The following CTNNA3 variants were observed in gnomAD, a reference collection of about 807,000 sequenced individuals.
The protein encoded by CTNNA3 is catenin alpha-3.
CTNNA3 carries 76 observed loss-of-function variants against 95.7 expected under a neutral mutation model. The observed-to-expected ratio is 0.79, with a 90% confidence interval of 0.66 to 0.96. The LOEUF (loss-of-function observed/expected upper bound fraction) is 0.96, where lower values mean the gene tolerates loss of function less well. CTNNA3 is among the 40% of genes least tolerant of loss of function. The probability of loss-of-function intolerance (pLI) is 0.00; values close to 1 mark genes in which losing one functional copy is unlikely to be tolerated. For synonymous variants in CTNNA3, 431 were observed against 374.4 expected, an observed-to-expected ratio of 1.15 and a Z score of -1.74; for missense variants, 1,191 against 1,089.8, an observed-to-expected ratio of 1.09 and a Z score of -1.31.
intron 10 of CTNNA3, among the ~76,000 whole-genome samples, chr10:66,568,701 T>C (rs1238052359): frequency 6.6e-6 from 1 of 151,916 alleles, no homozygotes; most frequent in African/African-American, 2.4e-5. Context: ...AAAGTTCAAA[T>C]CCAGCAATGC....
chr10:67,045,713 C>T lies in CTNNA3; in HGVS notation c.1047+134604G>A, dbSNP rs987947045. Among the ~76,000 whole-genome samples, 10 of 152,090 alleles carry T rather than the reference C, an allele frequency of 6.6e-5. No homozygotes were observed. The South Asian group carries it at 8.3e-4, about 13-fold the overall frequency. Reference sequence around the variant, plus strand: ...CCCCCAGGCGGGGATAGCGGGGGACCGACATCCGAGACCAGCCAAGGCCCC... The same window carrying T: ...CCCCCAGGCGGGGATAGCGGGGGACTGACATCCGAGACCAGCCAAGGCCCC... On this transcript the variant is annotated intron_variant, in intron 7 of 17. Transcript: ENST00000433211.
Position 67,680,386 on chromosome 10 carries a change from A to G in CTNNA3, c.-6+15614T>C, listed in dbSNP as rs200905460. The stretch of plus-strand genomic sequence containing the variant: ...ATTAAAATAACTCAGAATAACATGG[A>G]GCAATAAATTGACTGAAATAGAACC... On this transcript the variant is annotated intron_variant, in intron 1 of 17. Transcript: ENST00000433211. Among the ~76,000 whole-genome samples the G allele has an allele frequency of 2.0e-5, 3 of 152,222 alleles. No homozygotes were observed. The East Asian group carries it at 5.8e-4, about 29-fold the overall frequency.
chr10:65,935,657 C>T (rs950892967), intron 17 of CTNNA3, among the ~76,000 whole-genome samples: 5 of 151,972 alleles, frequency 3.3e-5, no homozygotes, highest in Admixed American at 2.0e-4. Flanking sequence ...TTGGGTTCAG[C>T]GAAATGGTTG....
chr10:67,727,359 C>T lies in CTNNA3; in HGVS notation c.-2+36075G>A, dbSNP rs189024769. On this transcript the variant is annotated intron_variant, in intron 1 of 17. Transcript: ENST00000684154. ...TATTGTATATTATATATATCATATA[C>T]ATATATGTATATATGTATGTTACGT... 3.5e-3 allele frequency among the ~76,000 whole-genome samples: 449 copies of T among 128,682 alleles called. 5 individuals are homozygous for T. Among genetic ancestry groups the T allele is most frequent in the African/African-American group, 0.012 (432 of 35,110 alleles). 84.4% of individuals were successfully genotyped at this position (128,682 alleles called of 152,430 possible).
chr10:66,866,596 C>A (rs1018356397), intron 7 of CTNNA3, among the ~76,000 whole-genome samples: 1 of 152,082 alleles, frequency 6.6e-6, no homozygotes, highest in Non-Finnish European at 1.5e-5. Flanking sequence ...TTTGACTCTA[C>A]AAAATATAAA....
At chr10:66,948,632 T>A (rs1156255986) in intron 7 of CTNNA3, among the ~76,000 whole-genome samples, 1 of 152,204 alleles carries the variant, frequency 6.6e-6, no homozygotes, top group Non-Finnish European at 1.5e-5. Context: ...AAAATTTATA[T>A]CTACAGGAAG....
At chr10:67,658,118 T>A (rs1401281600) in intron 1 of CTNNA3, among the ~76,000 whole-genome samples, 1 of 152,224 alleles carries the variant, frequency 6.6e-6, no homozygotes, top group East Asian at 1.9e-4. Context: ...TCAGTGATTA[T>A]CAGCATCAGC....
chr10:67,103,724 T>C (rs1050466272), intron 7 of CTNNA3, among the ~76,000 whole-genome samples: 2 of 151,710 alleles, frequency 1.3e-5, no homozygotes, highest in African/African-American at 2.4e-5. Flanking sequence ...ATAATCAACA[T>C]AATGAGGCTT....
At chr10:66,457,794 C>A (rs1266134750) in intron 11 of CTNNA3, among the ~76,000 whole-genome samples, 1 of 152,008 alleles carries the variant, frequency 6.6e-6, no homozygotes, top group African/African-American at 2.4e-5. Context: ...GTGGGAGCAA[C>A]CTGCTGCTGC....
In CTNNA3 at chr10:67,239,121, G is replaced by T. The variant is rs141522395; in HGVS notation, c.580-19251C>A. On this transcript the variant is annotated intron_variant, in intron 5 of 17. Transcript: ENST00000433211. ...ACTATAACTATCTTCACATTAAATGGTAGTGAGGCCGTTGGTACGACTACT... is the reference window on the plus strand; with the variant it reads ...ACTATAACTATCTTCACATTAAATGTTAGTGAGGCCGTTGGTACGACTACT... Among the ~76,000 whole-genome samples the T allele has an allele frequency of 8.1e-3, 1,237 of 152,242 alleles. 12 individuals are homozygous for T. Among genetic ancestry groups the T allele is most frequent in the African/African-American group, 0.024 (980 of 41,542 alleles).
intron 1 of CTNNA3, among the ~76,000 whole-genome samples, chr10:67,651,994 G>T (rs1176856489): frequency 6.6e-6 from 1 of 152,138 alleles, no homozygotes; most frequent in Non-Finnish European, 1.5e-5. Flanking sequence ...TCATAGACTG[G>T]GTGGCTTAAA....
intron 14 of CTNNA3, among the ~76,000 whole-genome samples, chr10:66,080,424 G>A (rs1217392720): frequency 2.6e-5 from 4 of 151,998 alleles, no homozygotes; most frequent in Non-Finnish European, 5.9e-5. Context: ...TGTCATTTGT[G>A]TACATGTGAA....
chr10:66,246,314 G>T (rs370254883), intron 13 of CTNNA3, among the ~76,000 whole-genome samples: 1 of 152,032 alleles, frequency 6.6e-6, no homozygotes, highest in Non-Finnish European at 1.5e-5. Context: ...CCACAACTGC[G>T]CCCAGGGTTG....
In CTNNA3 at chr10:67,511,660, T is replaced by G. The variant is rs564565966; in HGVS notation, c.579+10182A>C. On this transcript the variant is annotated intron_variant, in intron 5 of 17. Transcript: ENST00000433211. ...GGGATATTGGTCTAAAATTCTCTTT[T>G]TTTGTTGTGTCTCTGCCAGGCTTTG... Among the ~76,000 whole-genome samples, 78 of 152,340 alleles carry G rather than the reference T, an allele frequency of 5.1e-4. 1 individual carries two copies. In the South Asian group the frequency reaches 9.9e-3, roughly 19 times the overall value.
At chr10:65,986,592 C>T (rs1463657263) in intron 16 of CTNNA3, among the ~76,000 whole-genome samples, 1 of 151,558 alleles carries the variant, frequency 6.6e-6, no homozygotes, top group Non-Finnish European at 1.5e-5. Context: ...ATCCTCTGTT[C>T]ATGTATGGAA....
intron 13 of CTNNA3, among the ~76,000 whole-genome samples, chr10:66,107,506 C>A (rs1012067483): frequency 1.3e-5 from 2 of 151,978 alleles, no homozygotes; most frequent in Non-Finnish European, 2.9e-5. Context: ...GCAAAAGAAG[C>A]CAAAAACAAA....
chr10:67,128,404 A>C (rs1430296600), intron 7 of CTNNA3, among the ~76,000 whole-genome samples: 1 of 152,078 alleles, frequency 6.6e-6, no homozygotes, highest in Non-Finnish European at 1.5e-5. Flanking sequence ...TACATCTCTC[A>C]ACTGGGAAAC....
At chr10:67,264,760 A>C (rs1866751464) in intron 5 of CTNNA3, among the ~76,000 whole-genome samples, 1 of 152,178 alleles carries the variant, frequency 6.6e-6, no homozygotes, top group African/African-American at 2.4e-5. Context: ...CACCCTCCGA[A>C]AAATTGACCT....
chr10:66,840,936 C>G (rs966483894), intron 7 of CTNNA3, among the ~76,000 whole-genome samples: 3 of 152,108 alleles, frequency 2.0e-5, no homozygotes, highest in Non-Finnish European at 2.9e-5. Context: ...ATTAGAATAA[C>G]TGATCTGAAA....
Sources: allele counts gnomAD v4.1 joint callset (sites outside exome capture counted in the v4.1 genomes callset), GRCh38; gene constraint gnomAD v4.1.1; transcripts MANE v1.5; gene names NCBI Gene and HGNC (gene_info 2026-07-23, HGNC 2026-07-21).